DENND2B: variants seen among roughly 807,000 people sequenced by gnomAD.
DENND2B encodes DENN domain containing 2B.
A neutral mutation model predicts 116.0 loss-of-function variants in DENND2B; 32 were observed. The observed-to-expected ratio is 0.28, with a 90% CI of 0.21 to 0.37. The LOEUF is 0.37. Among genes scored for constraint, DENND2B ranks in the 10% least tolerant of loss-of-function variants. DENND2B has a pLI of 1.00. For synonymous variants in DENND2B, 588 were observed against 583.9 expected (o/e 1.01, Z -0.10); for missense variants, 1,276 against 1,477.7 (o/e 0.86, Z 2.24).
intron 15 of DENND2B, 117 bp downstream of exon 15, chr11:8,699,096 G>C (rs2133692908): frequency 1.3e-6 from 2 of 1,526,500 alleles, no homozygotes; most frequent in Non-Finnish European, 8.8e-7. Flanking sequence ...GCCGGGGATA[G>C]ACCTCCCAGG....
chr11:8,859,948 T>A (rs2063338463), intron 2 of DENND2B, among the ~76,000 whole-genome samples: 1 of 152,154 alleles, frequency 6.6e-6, no homozygotes, highest in African/African-American at 2.4e-5. Context: ...ATGTCACACC[T>A]GCCCCTGTCC....
At chr11:8,823,025 T>C (rs993629236) in intron 4 of DENND2B, among the ~76,000 whole-genome samples, 3 of 152,176 alleles carry the variant, frequency 2.0e-5, no homozygotes, top group African/African-American at 7.2e-5. Context: ...TATATAATTA[T>C]TGTAGGGAAT....
Position 8,729,960 on chromosome 11 carries a change from A to T in DENND2B, c.1330T>A (p.Ser444Thr), listed in dbSNP as rs2047820668. The T allele has an allele frequency of 2.5e-6, 4 of 1,614,048 alleles. No individual in the cohort carries two copies. The highest frequency in any genetic ancestry group is 3.4e-6 in the Non-Finnish European group (4 of 1,179,982). ...AGGGGCATGCATTACCTGCTCTGGG[A>T]CTTGCGGTGACCACGCATGTCCTTC... ...PKKDMRGHRK[S>T]QSRKSFEFED... is the part of the protein sequence containing the mutation. The change falls in exon 3 of 20, where the codon TCC becomes ACC. Residue 444 changes from serine to threonine, a missense_variant. This residue lies in a region of DENND2B where 856 missense variants were observed against 846.6 expected (regional missense o/e 1.01). Coordinates refer to ENST00000313726, the MANE Select transcript of DENND2B (RefSeq NM_213618.2).
chr11:8,719,306 A>C (rs998202216), intron 4 of DENND2B, among the ~76,000 whole-genome samples: 14 of 152,206 alleles, frequency 9.2e-5, no homozygotes, highest in African/African-American at 3.1e-4. Context: ...CAACGAATTT[A>C]GGAAATGCTC....
chr11:8,899,212 T>C (rs894565839), intron 1 of DENND2B, among the ~76,000 whole-genome samples: 7 of 151,866 alleles, frequency 4.6e-5, no homozygotes, highest in Admixed American at 4.6e-4. Context: ...CCTCAGAGAT[T>C]TGAGAGATAC....
At chr11:8,823,941 C>T (rs1489189554) in intron 4 of DENND2B, among the ~76,000 whole-genome samples, 4 of 140,224 alleles carry the variant, frequency 2.9e-5, no homozygotes, top group Non-Finnish European at 6.0e-5. Context: ...CTTGCTTTGT[C>T]GCCCAGGCTG....
rs555235393 is a variant in DENND2B, at chr11:8,822,834, T to C, written c.-114-11499A>G. Among the ~76,000 whole-genome samples, 29 of 152,364 alleles carry C rather than the reference T, an allele frequency of 1.9e-4. No individual in the cohort carries two copies. In the South Asian group the frequency reaches 5.4e-3, roughly 28 times the overall value. ...TCTTTGAATTTCCAGCAGGCTGTAA[T>C]GCAGTACTTTCTTTGTACATAGCAA... On this transcript the variant is annotated intron_variant, in intron 4 of 6. Transcript: ENST00000524757.
intron 2 of DENND2B, among the ~76,000 whole-genome samples, chr11:8,865,012 A>T (rs765817937): frequency 5.1e-4 from 78 of 152,258 alleles, no homozygotes; most frequent in Admixed American, 7.8e-4. Context: ...ACAAACAGGG[A>T]CAAATTCCCA....
intron 2 of DENND2B, among the ~76,000 whole-genome samples, chr11:8,866,939 G>A (rs1358317571): frequency 6.6e-6 from 1 of 152,124 alleles, no homozygotes; most frequent in African/African-American, 2.4e-5. Flanking sequence ...AGGTAAAAAT[G>A]GGTGTGGAGA....
intron 4 of DENND2B, among the ~76,000 whole-genome samples, chr11:8,826,771 A>G (rs1447542195): frequency 6.6e-6 from 1 of 152,216 alleles, no homozygotes; most frequent in African/African-American, 2.4e-5. Context: ...CTTATCTAAC[A>G]AGACATGCAC....
chr11:8,903,009 G>A (rs560783350), intron 1 of DENND2B, among the ~76,000 whole-genome samples: 107 of 152,148 alleles, frequency 7.0e-4, no homozygotes, highest in South Asian at 5.8e-3. Context: ...ACAGGCATGC[G>A]CCACCACACC....
intron 1 of DENND2B, among the ~76,000 whole-genome samples, chr11:8,760,524 G>A (rs950351104): frequency 3.0e-4 from 45 of 152,064 alleles, no homozygotes; most frequent in African/African-American, 9.7e-4. Flanking sequence ...AGCCTGAGGT[G>A]GGAGGATCAC....
At chr11:8,742,015 T>C (rs1405157074) in intron 2 of DENND2B, among the ~76,000 whole-genome samples, 1 of 152,198 alleles carries the variant, frequency 6.6e-6, no homozygotes, top group Non-Finnish European at 1.5e-5. Context: ...CTCAGCCTCG[T>C]GAGTAGCTGG....
chr11:8,900,467 C>T (rs1262870807), intron 1 of DENND2B, among the ~76,000 whole-genome samples: 50 of 133,214 alleles, frequency 3.8e-4, no homozygotes, highest in Admixed American at 1.5e-4. Flanking sequence ...GGTGTGTTGG[C>T]GTGTGCCTGT....
At chr11:8,781,106 A>T (rs1312688959) in intron 1 of DENND2B, among the ~76,000 whole-genome samples, 1 of 152,184 alleles carries the variant, frequency 6.6e-6, no homozygotes, top group East Asian at 1.9e-4. Context: ...AGGAATAAAG[A>T]CGAAGTCCTT....
intron 4 of DENND2B, among the ~76,000 whole-genome samples, chr11:8,827,774 T>G (rs572521410): frequency 6.6e-6 from 1 of 152,318 alleles, no homozygotes; most frequent in East Asian, 1.9e-4. Context: ...ACCCTGTACC[T>G]CTGTTTTATC....
Position 8,827,323 on chromosome 11 carries a change from C to T in DENND2B, c.-115+11987G>A, listed in dbSNP as rs142209557. On this transcript the variant is annotated intron_variant, in intron 4 of 6. Transcript: ENST00000524757. ...ACAGCTAGTGCCAGCAGAACACTCC[C>T]TTCTTACAAGGCCATGGGACTCCAG... Among the ~76,000 whole-genome samples, 455 of 152,328 alleles carry T rather than the reference C, an allele frequency of 3.0e-3. 1 individual carries two copies. The highest frequency in any genetic ancestry group is 0.02 in the Middle Eastern group (6 of 294).
At position 8,876,471 on chromosome 11, in the gene DENND2B, C is replaced by T. The variant is rs138154435; in HGVS notation, c.-156+4539G>A. 3.3e-3 allele frequency among the ~76,000 whole-genome samples: 507 copies of T among 152,206 alleles called. 1 individual carries two copies. Among genetic ancestry groups the T allele is most frequent in the African/African-American group, 0.011 (471 of 41,526 alleles). On this transcript the variant is annotated intron_variant, in intron 2 of 22. Coordinates refer to the DENND2B transcript ENST00000534127. ...TAAGTGTACAGAAGACAGGATACAT[C>T]CAATCAAAGTTCTCTTTCTATATCA...
rs1451949266 is a variant in DENND2B at position 8,878,768 on chromosome 11, G to C, written c.-156+2242C>G. On this transcript the variant is annotated intron_variant, in intron 2 of 22. Transcript: ENST00000534127. ...AATAACATTCTGATACATGCAATGT[G>C]AGTGAGACTTGAAAACATTATGCTA... 2.0e-5 allele frequency among the ~76,000 whole-genome samples: 3 copies of C among 152,162 alleles called. No homozygotes were observed. In the East Asian group the frequency reaches 5.8e-4, roughly 29 times the overall value.
Sources: gnomAD v4.1 joint callset for allele counts (sites outside exome capture counted in the v4.1 genomes callset) on GRCh38, gnomAD v4.1.1 for gene constraint, gnomAD v4.1.1 regional missense constraint, MANE v1.5 for transcripts, NCBI Gene and HGNC (gene_info 2026-07-23, HGNC 2026-07-21) for gene names.